The following LEPR variants were observed in gnomAD, a reference collection of about 807,000 sequenced individuals.
LEPR encodes the protein leptin receptor.
A neutral mutation model predicts 114.7 loss-of-function variants in LEPR; 56 were observed. The ratio of observed to expected loss-of-function variants is 0.49; its 90% CI spans 0.39 to 0.61. LEPR has a LOEUF of 0.61. LEPR is among the 20% of genes least tolerant of loss of function. The pLI, the probability that LEPR is intolerant of heterozygous loss-of-function variation, is 0.00. For synonymous variants in LEPR, 443 were observed against 461.4 expected (o/e 0.96, Z 0.51); for missense variants, 1,202 against 1,352.9 (o/e 0.89, Z 1.75).
At position 65,437,639 on chromosome 1, in the gene LEPR, C is replaced by T. The variant is rs1016217609; in HGVS notation, c.-21+12261C>T. The stretch of plus-strand genomic sequence containing the variant: ...TAGCCTAGGCGACAGAGGGAGACCC[C>T]GTCTCCAAAAAAAGTTTATATTTCA... On this transcript the variant is annotated intron_variant, in intron 2 of 19. Transcript: ENST00000349533. Among the ~76,000 whole-genome samples, 6 of 151,380 alleles carry T rather than the reference C, an allele frequency of 4.0e-5. No individual in the cohort carries two copies. In the East Asian group the frequency reaches 5.9e-4, roughly 15 times the overall value.
chr1:65,619,325 A>G (rs1031026407), intron 16 of LEPR, among the ~76,000 whole-genome samples: 6 of 152,158 alleles, frequency 3.9e-5, no homozygotes, highest in African/African-American at 1.2e-4. Flanking sequence ...ATATTCTTCT[A>G]GAAGAATATT....
intron 19 of LEPR, chr1:65,626,028 T>C (rs1658188279): frequency 9.3e-7 from 1 of 1,072,464 alleles, no homozygotes; most frequent in South Asian, 1.4e-5. Flanking sequence ...CACCATGAAG[T>C]GGTTTCTCAG....
intron 2 of LEPR, among the ~76,000 whole-genome samples, chr1:65,539,063 G>T (rs1234827955): frequency 1.9e-4 from 25 of 135,020 alleles, no homozygotes; most frequent in Non-Finnish European, 3.0e-4. Flanking sequence ...TTATTTCCTG[G>T]TTTTTTTTTT....
At chr1:65,503,455 A>G (rs558067995) in intron 2 of LEPR, among the ~76,000 whole-genome samples, 1 of 152,310 alleles carries the variant, frequency 6.6e-6, no homozygotes, top group South Asian at 2.1e-4. Context: ...AGAAATGAGC[A>G]GAGATTGTAA....
rs141270280 is a variant in LEPR at position 65,529,757 on chromosome 1, C to T, written c.-20-35789C>T. Among the ~76,000 whole-genome samples, 9 of 152,310 alleles carry T rather than the reference C, an allele frequency of 5.9e-5. No homozygotes were observed. The East Asian group carries it at 1.7e-3, about 29-fold the overall frequency. The stretch of plus-strand genomic sequence containing the variant: ...TGTCAGTGTTCATTTTACTTCACTA[C>T]TGGTAGCATTGTCACGGTTATTACT... On this transcript the variant is annotated intron_variant, in intron 2 of 19. Coordinates refer to ENST00000349533, the MANE Select transcript of LEPR (RefSeq NM_002303.6).
chr1:65,433,871 T>C (rs570530171), intron 2 of LEPR: 2 of 985,368 alleles, frequency 2.0e-6, no homozygotes, highest in South Asian at 9.4e-5. Flanking sequence ...TGAGAGAATT[T>C]CTTGATGTTT....
chr1:65,613,760 A>G (rs1657337934), intron 14 of LEPR, among the ~76,000 whole-genome samples: 1 of 78,506 alleles, frequency 1.3e-5, no homozygotes, highest in Non-Finnish European at 2.8e-5. Flanking sequence ...ACTCCGTCTC[A>G]AAAAAAAAAA....
At chr1:65,582,830 C>T (rs996557891) in intron 5 of LEPR, among the ~76,000 whole-genome samples, 16 of 152,116 alleles carry the variant, frequency 1.1e-4, no homozygotes, top group African/African-American at 3.1e-4. Flanking sequence ...TATAATAACT[C>T]CCATTTAAAA....
At chr1:65,461,121 G>A (rs1374973600) in intron 2 of LEPR, among the ~76,000 whole-genome samples, 7 of 151,584 alleles carry the variant, frequency 4.6e-5, no homozygotes, top group Non-Finnish European at 2.9e-5. Flanking sequence ...GATTACAGGC[G>A]CCCGCCACCA....
At position 65,598,765 on chromosome 1, in the gene LEPR, T is replaced by C. The variant is rs1473411378; in HGVS notation, c.955T>C (p.Trp319Arg). 1 of 1,613,326 alleles carries C rather than the reference T, an allele frequency of 6.2e-7. No homozygotes were observed. Among genetic ancestry groups the C allele is most frequent in the African/African-American group, 1.3e-5 (1 of 74,904 alleles). Reference sequence around the variant, plus strand: ...CAAGAGACTGGATGGCCCAGGAATCTGGAGTGACTGGAGTACTCCTCGTGT... The same window carrying C: ...CAAGAGACTGGATGGCCCAGGAATCCGGAGTGACTGGAGTACTCCTCGTGT... ...RGKRLDGPGI[W>R]SDWSTPRVFT... is the part of the protein sequence containing the mutation. The change falls in exon 8 of 20, where the codon TGG becomes CGG. Residue 319 changes from tryptophan (W) to arginine (R), a missense_variant. Coordinates refer to ENST00000349533, the MANE Select transcript of LEPR (RefSeq NM_002303.6).
rs190450214 is a variant in LEPR at position 65,566,480 on chromosome 1, G to A, written c.40+875G>A. On this transcript the variant is annotated intron_variant, in intron 3 of 19. Coordinates refer to ENST00000349533, the MANE Select transcript of LEPR (RefSeq NM_002303.6). The stretch of plus-strand genomic sequence containing the variant: ...CTCCCAAAGTGCTGGGATTACAGGC[G>A]TGAGCCACCGTGCCCAGCCGATACA... 1.4e-3 allele frequency among the ~76,000 whole-genome samples: 215 copies of A among 152,276 alleles called. 1 individual carries two copies. The highest frequency in any genetic ancestry group is 5.1e-3 in the African/African-American group (212 of 41,544).
intron 2 of LEPR, among the ~76,000 whole-genome samples, chr1:65,518,909 CTTTCTT>C (rs777390797): frequency 4.5e-5 from 4 of 88,018 alleles, no homozygotes; most frequent in African/African-American, 1.4e-4. Context: ...TTCTTTCTTT[CTTTCTT>C]TCTCTCTTTC....
intron 5 of LEPR, among the ~76,000 whole-genome samples, chr1:65,574,077 A>C (rs1245319542): frequency 6.6e-6 from 1 of 152,212 alleles, no homozygotes; most frequent in Non-Finnish European, 1.5e-5. Flanking sequence ...TGGTAGGTAC[A>C]TAATGTCATG....
chr1:65,614,456 G>A (rs1475006966), intron 14 of LEPR, among the ~76,000 whole-genome samples: 1 of 152,226 alleles, frequency 6.6e-6, no homozygotes, highest in Non-Finnish European at 1.5e-5. Flanking sequence ...TGGAACTTGA[G>A]TGGAGTTGTT....
At chr1:65,474,581 A>G (rs778427335) in intron 2 of LEPR, among the ~76,000 whole-genome samples, 1 of 152,192 alleles carries the variant, frequency 6.6e-6, no homozygotes, top group East Asian at 1.9e-4. Context: ...CATGTGCTTT[A>G]CTCATAGACT....
chr1:65,566,221 T>TTC (rs1653745904), intron 3 of LEPR, among the ~76,000 whole-genome samples: 1 of 149,314 alleles, frequency 6.7e-6, no homozygotes, highest in African/African-American at 2.5e-5. Context: ...TTTTTTTTTT[T>TTC]GAGACGCAGT....
At chr1:65,620,786 G>GA (rs1169491979) in intron 17 of LEPR, among the ~76,000 whole-genome samples, 1 of 151,698 alleles carries the variant, frequency 6.6e-6, no homozygotes, top group East Asian at 1.9e-4. Flanking sequence ...ATGTTGATGA[G>GA]AAAAAAAAGG....
Position 65,451,305 on chromosome 1 carries a change from G to T in LEPR, c.-21+25927G>T, listed in dbSNP as rs1478754274. Reference sequence around the variant, plus strand: ...AATTAGATCCCATTTGTCAATTTTGGCTTTTGTTGCCATTGCTCTTGGTGT... The same window carrying T: ...AATTAGATCCCATTTGTCAATTTTGTCTTTTGTTGCCATTGCTCTTGGTGT... On this transcript the variant is annotated intron_variant, in intron 2 of 19. Transcript: ENST00000349533. Among the ~76,000 whole-genome samples, 81 of 151,866 alleles carry T rather than the reference G, an allele frequency of 5.3e-4. 2 individuals carry two copies. Among genetic ancestry groups the T allele is most frequent in the Non-Finnish European group, 8.8e-5 (6 of 67,850 alleles).
intron 2 of LEPR, chr1:65,433,262 A>T: frequency 1.0e-6 from 1 of 985,264 alleles, no homozygotes; most frequent in Non-Finnish European, 1.2e-6. Context: ...GTAAGCACGC[A>T]GTGGGTGAAC....
Sources: gnomAD v4.1 joint callset for allele counts (sites outside exome capture counted in the v4.1 genomes callset) on GRCh38, gnomAD v4.1.1 for gene constraint, MANE v1.5 for transcripts, NCBI Gene and HGNC (gene_info 2026-07-23, HGNC 2026-07-21) for gene names.